KCNAB1: variants seen among roughly 807,000 people sequenced by gnomAD.
KCNAB1 encodes voltage-gated potassium channel subunit beta-1.
Under a neutral mutation model 64.6 loss-of-function variants are expected in KCNAB1, and 35 were observed. The ratio of observed to expected loss-of-function variants is 0.54; its 90% CI spans 0.41 to 0.72. The LOEUF is 0.72. KCNAB1 is among the 30% of genes least tolerant of loss of function. KCNAB1 has a pLI of 0.00. For synonymous variants in KCNAB1, 177 were observed against 183.8 expected (o/e 0.96, Z 0.30); for missense variants, 401 against 512.9 (o/e 0.78, Z 2.11).
chr3:156,311,914 C>T (rs1016060323), intron 1 of KCNAB1, among the ~76,000 whole-genome samples: 2 of 152,208 alleles, frequency 1.3e-5, no homozygotes, highest in African/African-American at 4.8e-5. Flanking sequence ...GGTAGGCAGG[C>T]TCTGCAGCCT....
At chr3:156,410,307 GT>G (rs1463791665) in intron 1 of KCNAB1, among the ~76,000 whole-genome samples, 1 of 152,130 alleles carries the variant, frequency 6.6e-6, no homozygotes, top group Non-Finnish European at 1.5e-5. Context: ...TTTGTGTATA[GT>G]TTTTTGTTAT....
intron 1 of KCNAB1, among the ~76,000 whole-genome samples, chr3:156,189,995 A>ATT (rs1227045435): frequency 6.6e-6 from 1 of 152,244 alleles, no homozygotes; most frequent in East Asian, 1.9e-4. Context: ...CAATTATTAA[A>ATT]ACAATACTTT....
intron 8 of KCNAB1, among the ~76,000 whole-genome samples, chr3:156,505,978 C>T (rs1716811324): frequency 2.0e-5 from 3 of 152,210 alleles, no homozygotes. Context: ...GATCCAATCA[C>T]TTCCCACCTG....
intron 9 of KCNAB1, among the ~76,000 whole-genome samples, chr3:156,514,852 C>T (rs41267919): frequency 3.0e-4 from 46 of 152,256 alleles, no homozygotes; most frequent in Non-Finnish European, 5.7e-4. Flanking sequence ...GTGTACAATT[C>T]ACACCTTGAC....
intron 13 of KCNAB1, among the ~76,000 whole-genome samples, chr3:156,533,568 G>T (rs1187895341): frequency 6.6e-6 from 1 of 152,180 alleles, no homozygotes; most frequent in Non-Finnish European, 1.5e-5. Context: ...CTTGTGGAGG[G>T]TTTTAAGAGG....
intron 1 of KCNAB1, among the ~76,000 whole-genome samples, chr3:156,356,431 G>C (rs1725246805): frequency 6.6e-6 from 1 of 151,144 alleles, no homozygotes; most frequent in Admixed American, 6.6e-5. Flanking sequence ...AGTTTTCTTT[G>C]ACCTCTACGG....
chr3:156,264,176 T>C (rs1486020986), intron 1 of KCNAB1, among the ~76,000 whole-genome samples: 2 of 152,156 alleles, frequency 1.3e-5, no homozygotes, highest in African/African-American at 2.4e-5. Flanking sequence ...TTTGATAACA[T>C]TTTTTATCTT....
intron 1 of KCNAB1, chr3:156,291,485 G>A (rs1459747330): frequency 5.7e-6 from 6 of 1,060,060 alleles, no homozygotes; most frequent in Middle Eastern, 4.5e-4. Context: ...TCGCCCAGAA[G>A]CGAGCCCGCA....
At chr3:156,529,218 G>T (rs1718526526) in intron 12 of KCNAB1, among the ~76,000 whole-genome samples, 1 of 152,186 alleles carries the variant, frequency 6.6e-6, no homozygotes, top group Non-Finnish European at 1.5e-5. Context: ...CATATGCTAA[G>T]TGAAAACCAG....
chr3:156,201,969 G>A (rs553993831), intron 1 of KCNAB1, among the ~76,000 whole-genome samples: 2 of 152,230 alleles, frequency 1.3e-5, no homozygotes, highest in South Asian at 4.1e-4. Flanking sequence ...TTGGGCTGGG[G>A]CTCCCACAGA....
At chr3:156,231,587 A>G (rs1427300489) in intron 1 of KCNAB1, among the ~76,000 whole-genome samples, 2 of 148,542 alleles carry the variant, frequency 1.3e-5, no homozygotes, top group African/African-American at 2.5e-5. Flanking sequence ...GAGATAATCA[A>G]CTAAGAGCTA....
At chr3:156,406,652 T>C in intron 1 of KCNAB1, among the ~76,000 whole-genome samples, 1 of 152,196 alleles carries the variant, frequency 6.6e-6, no homozygotes, top group African/African-American at 2.4e-5. Context: ...CAGCACCTTG[T>C]CATGTTGGTC....
At chr3:156,421,525 A>T in intron 1 of KCNAB1, 91 bp from the exon 2 acceptor site, 1 of 1,333,652 alleles carries the variant, frequency 7.5e-7, no homozygotes, top group Non-Finnish European at 1.1e-6. Context: ...CTCATCAAGA[A>T]TCTGCCAAAA....
At chr3:156,244,601 T>C (rs1717349004) in intron 1 of KCNAB1, among the ~76,000 whole-genome samples, 1 of 152,204 alleles carries the variant, frequency 6.6e-6, no homozygotes, top group South Asian at 2.1e-4. Context: ...CTTCCCACAC[T>C]TGTGCAAGCT....
intron 2 of KCNAB1, among the ~76,000 whole-genome samples, chr3:156,427,138 A>G (rs1374401740): frequency 6.6e-6 from 1 of 152,006 alleles, no homozygotes; most frequent in Non-Finnish European, 1.5e-5. Context: ...AGATGCCCAG[A>G]CTCCTGGATT....
At chr3:156,231,978 G>A (rs1387949050) in intron 1 of KCNAB1, among the ~76,000 whole-genome samples, 1 of 152,064 alleles carries the variant, frequency 6.6e-6, no homozygotes, top group East Asian at 1.9e-4. Context: ...TTCATATTTG[G>A]CTCAGAATAA....
intron 1 of KCNAB1, among the ~76,000 whole-genome samples, chr3:156,195,334 G>T (rs1430874821): frequency 6.6e-6 from 1 of 152,078 alleles, no homozygotes; most frequent in Non-Finnish European, 1.5e-5. Context: ...TGGTATTTCT[G>T]GTTCTAGATC....
rs182054118 is a variant in KCNAB1, at chr3:156,281,556, G to A, written c.276-140060G>A. Among the ~76,000 whole-genome samples the A allele has an allele frequency of 8.5e-5, 13 of 152,294 alleles. No individual in the cohort carries two copies. The East Asian group carries it at 2.3e-3, about 27-fold the overall frequency. The stretch of plus-strand genomic sequence containing the variant: ...GAAGGAATGGTACCAATTCCTCCTT[G>A]TATCTCTGGTAGAATTCGGCTGTGA... On this transcript the variant is annotated intron_variant, in intron 1 of 13. Coordinates refer to ENST00000490337, the MANE Select transcript of KCNAB1 (RefSeq NM_172160.3).
rs189507192 is a variant in KCNAB1 at position 156,297,386 on chromosome 3, G to A, written c.276-124230G>A. On this transcript the variant is annotated intron_variant, in intron 1 of 13. Coordinates refer to ENST00000490337, the MANE Select transcript of KCNAB1 (RefSeq NM_172160.3). ...GGAGGGTAAGATATTTAGACACGAG[G>A]GAACATCAGCAATGGAGGGACCAGT... Among the ~76,000 whole-genome samples the A allele has an allele frequency of 8.6e-5, 13 of 151,448 alleles. No individual in the cohort carries two copies. In the East Asian group the frequency reaches 2.1e-3, roughly 25 times the overall value.
Sources: allele counts gnomAD v4.1 joint callset (sites outside exome capture counted in the v4.1 genomes callset), GRCh38; gene constraint gnomAD v4.1.1; transcripts MANE v1.5; gene names NCBI Gene and HGNC (gene_info 2026-07-23, HGNC 2026-07-21).